The following CFAP54 variants were observed in gnomAD, a reference collection of about 807,000 sequenced individuals.
CFAP54 encodes the protein cilia and flagella associated protein 54.
In CFAP54, 290 loss-of-function variants were observed where a neutral mutation model predicts 370.4. The observed-to-expected ratio is 0.78, with a 90% CI of 0.71 to 0.86. The LOEUF (loss-of-function observed/expected upper bound fraction) is 0.86. Among genes scored for constraint, CFAP54 ranks in the 40% least tolerant of loss-of-function variants. CFAP54 has a pLI of 0.00. For synonymous variants in CFAP54, 1,206 were observed against 1,236.5 expected (o/e 0.98, Z 0.52); for missense variants, 3,399 against 3,528.7 (o/e 0.96, Z 0.93).
intron 66 of CFAP54, among the ~76,000 whole-genome samples, chr12:96,859,860 C>T (rs1411892062): frequency 1.3e-5 from 2 of 152,086 alleles, no homozygotes; most frequent in African/African-American, 4.8e-5. Flanking sequence ...TGGAAGGATA[C>T]TCTCCAATCT....
intron 12 of CFAP54, among the ~76,000 whole-genome samples, chr12:96,536,630 T>TC (rs1555228644): frequency 2.2e-5 from 3 of 135,788 alleles, no homozygotes; most frequent in African/African-American, 8.3e-5. Context: ...CTTTTTCTTT[T>TC]TTTTTTTTTT....
intron 65 of CFAP54, among the ~76,000 whole-genome samples, chr12:96,828,611 A>G (rs572120848): frequency 6.6e-6 from 1 of 152,086 alleles, no homozygotes. Flanking sequence ...GGCTGCATCC[A>G]TGCAGCAGGG....
At chr12:96,833,506 ACGTGTGTGTGTGTG>A (rs1959177074) in intron 66 of CFAP54, among the ~76,000 whole-genome samples, 2 of 96,162 alleles carry the variant, frequency 2.1e-5, no homozygotes, top group Admixed American at 2.2e-4. Context: ...ACACACGCGT[ACGTGTGTGTGTGTG>A]TGTGTGTGTG....
chr12:96,764,276 C>T, intron 59 of CFAP54, 27 bp downstream of exon 59: 1 of 1,509,102 alleles, frequency 6.6e-7, no homozygotes, highest in Non-Finnish European at 9.2e-7. Context: ...TTTAATCTTT[C>T]TTCTTACTGT....
chr12:96,625,606 TA>T (rs1956541790), intron 28 of CFAP54, 111 bp from the exon 29 acceptor site: 11 of 579,302 alleles, frequency 1.9e-5, no homozygotes, highest in Non-Finnish European at 2.9e-5. Context: ...GAATAAATAG[TA>T]TTTTCCTGTT....
chr12:96,677,696 A>G (rs974422937), intron 39 of CFAP54, among the ~76,000 whole-genome samples: 8 of 152,200 alleles, frequency 5.3e-5, no homozygotes, highest in Admixed American at 6.5e-5. Context: ...ACTTTGGCCT[A>G]AGTATTTGAT....
Position 96,811,862 on chromosome 12 carries a change from C to G in CFAP54, c.8957+20C>G. The G allele has an allele frequency of 7.5e-7, 1 of 1,337,324 alleles. No homozygotes were observed. Among genetic ancestry groups the G allele is most frequent in the Non-Finnish European group, 1.0e-6 (1 of 991,496 alleles). The allele number at this position is 1,337,324 out of a possible 1,614,324, so 82.8% of individuals were successfully genotyped here. On this transcript the variant is annotated intron_variant, in intron 64 of 67. Transcript: ENST00000524981. ...GAATAGGCAAGTAAAAATTCCACAA[C>G]TCGAATTGTCTTTGTTGTTATCTCT...
intron 19 of CFAP54, 37 bp downstream of exon 19, chr12:96,564,802 A>C: frequency 1.8e-6 from 1 of 554,614 alleles, no homozygotes; most frequent in Non-Finnish European, 3.1e-6. Flanking sequence ...ATCCTGACAT[A>C]AAATTTCTGT....
chr12:96,510,768 C>T (rs771271691), intron 4 of CFAP54, among the ~76,000 whole-genome samples: 4 of 152,132 alleles, frequency 2.6e-5, no homozygotes, highest in Admixed American at 2.6e-4. Flanking sequence ...TCGAGACCAG[C>T]CTGGCCAACA....
chr12:96,842,835 G>C (rs905046245), intron 66 of CFAP54, among the ~76,000 whole-genome samples: 3 of 152,088 alleles, frequency 2.0e-5, no homozygotes, highest in South Asian at 2.1e-4. Context: ...ACTGACAAAG[G>C]CTAATTGTTT....
intron 39 of CFAP54, among the ~76,000 whole-genome samples, chr12:96,672,963 T>G (rs1169453417): frequency 6.6e-6 from 1 of 152,070 alleles, no homozygotes; most frequent in Non-Finnish European, 1.5e-5. Flanking sequence ...TAAAGTTACA[T>G]TTGGAAAGGC....
chr12:96,527,535 A>G (rs1955396464), intron 9 of CFAP54, 91 bp downstream of exon 9: 2 of 718,834 alleles, frequency 2.8e-6, no homozygotes, highest in Non-Finnish European at 4.1e-6. Context: ...TAGGAAACTG[A>G]TAACATTTAT....
chr12:96,502,749 G>T (rs1004200661), intron 2 of CFAP54, among the ~76,000 whole-genome samples: 3 of 152,180 alleles, frequency 2.0e-5, no homozygotes, highest in African/African-American at 7.2e-5. Context: ...CATTTTGAAA[G>T]CACTGCTTAT....
At chr12:96,855,334 A>G (rs1191786473) in intron 66 of CFAP54, among the ~76,000 whole-genome samples, 2 of 152,158 alleles carry the variant, frequency 1.3e-5, no homozygotes, top group African/African-American at 2.4e-5. Flanking sequence ...AAACACAATC[A>G]GGCCATCTAA....
chr12:96,647,472 CAAAAAA>C lies in CFAP54; in HGVS notation c.4548-384_4548-379del, dbSNP rs57089692. On this transcript the variant is annotated intron_variant, in intron 33 of 67. Coordinates refer to ENST00000524981, the MANE Select transcript of CFAP54 (RefSeq NM_001306084.2). Reference sequence around the variant, plus strand: ...TGGGCGACAGAGCGAGACTCTGTCCCAAAAAAAAAAAAAAAAAAAAAAAAGAAATGC... The same window carrying C: ...TGGGCGACAGAGCGAGACTCTGTCCCAAAAAAAAAAAAAAAAAAGAAATGC... Among the ~76,000 whole-genome samples, 339 of 40,774 alleles carry C rather than the reference CAAAAAA, an allele frequency of 8.3e-3. 1 individual carries two copies. Among genetic ancestry groups the C allele is most frequent in the African/African-American group, 0.028 (296 of 10,598 alleles). 26.7% of individuals were successfully genotyped at this position (40,774 alleles called of 152,430 possible).
chr12:96,655,898 T>G (rs1413656937), intron 36 of CFAP54, among the ~76,000 whole-genome samples: 1 of 152,150 alleles, frequency 6.6e-6, no homozygotes, highest in Non-Finnish European at 1.5e-5. Context: ...ATTATAGTAT[T>G]GTAGTTATGT....
At chr12:96,584,175 A>G (rs962322356) in intron 22 of CFAP54, among the ~76,000 whole-genome samples, 1 of 152,090 alleles carries the variant, frequency 6.6e-6, no homozygotes, top group Non-Finnish European at 1.5e-5. Context: ...CAAATAAAAA[A>G]AAAATAGGCC....
At chr12:96,869,964 G>A (rs1366783742) in intron 67 of CFAP54, among the ~76,000 whole-genome samples, 2 of 147,724 alleles carry the variant, frequency 1.4e-5, no homozygotes, top group Non-Finnish European at 1.5e-5. Context: ...AAGGAAGGAA[G>A]GAAGGTTATT....
At chr12:96,552,354 T>C (rs1460245871) in intron 15 of CFAP54, among the ~76,000 whole-genome samples, 2 of 152,138 alleles carry the variant, frequency 1.3e-5, no homozygotes, top group African/African-American at 4.8e-5. Context: ...TTTTTTTTGT[T>C]GTTTTTTGAA....
Sources: gnomAD v4.1 joint callset for allele counts (sites outside exome capture counted in the v4.1 genomes callset) on GRCh38, gnomAD v4.1.1 for gene constraint, MANE v1.5 for transcripts, NCBI Gene and HGNC (gene_info 2026-07-23, HGNC 2026-07-21) for gene names.